Variants in PTPRG observed in about 807,000 individuals in gnomAD.
PTPRG encodes receptor-type tyrosine-protein phosphatase gamma.
PTPRG carries 102 observed loss-of-function variants against 165.3 expected under a neutral mutation model. The ratio of observed to expected loss-of-function variants is 0.62; its 90% CI spans 0.53 to 0.73. The LOEUF (loss-of-function observed/expected upper bound fraction) is 0.73. PTPRG is among the 30% of genes least tolerant of loss of function. The pLI is 0.00. For missense variants in PTPRG, 1,866 were observed against 1,861.4 expected, an observed-to-expected ratio of 1.00 and a Z score of -0.05; for synonymous variants, 675 against 669.5, an observed-to-expected ratio of 1.01 and a Z score of -0.13.
intron 1 of PTPRG, among the ~76,000 whole-genome samples, chr3:61,693,744 G>A (rs1364294093): frequency 6.6e-6 from 1 of 152,060 alleles, no homozygotes; most frequent in Non-Finnish European, 1.5e-5. Context: ...AGCGGCTCAC[G>A]CCTATAATTG....
chr3:62,124,671 T>C, intron 5 of PTPRG: 1 of 704,426 alleles, frequency 1.4e-6, no homozygotes, highest in Non-Finnish European at 2.4e-6. Flanking sequence ...AGGCCACCGC[T>C]GCCGCCTGCT....
intron 13 of PTPRG, among the ~76,000 whole-genome samples, chr3:62,226,951 G>C (rs1017544791): frequency 7.2e-5 from 11 of 152,176 alleles, no homozygotes; most frequent in African/African-American, 2.4e-4. Context: ...AGTGAGTTTT[G>C]TTGACATTGC....
At chr3:61,578,771 G>T (rs1700220056) in intron 1 of PTPRG, among the ~76,000 whole-genome samples, 1 of 152,200 alleles carries the variant, frequency 6.6e-6, no homozygotes, top group Non-Finnish European at 1.5e-5. Flanking sequence ...GTGGCTAATG[G>T]CTAGGGAGGG....
chr3:61,895,974 A>G (rs771986663), intron 2 of PTPRG, among the ~76,000 whole-genome samples: 1 of 152,228 alleles, frequency 6.6e-6, no homozygotes, highest in Non-Finnish European at 1.5e-5. Flanking sequence ...GCATTCTGGT[A>G]AAACTATGGT....
intron 2 of PTPRG, among the ~76,000 whole-genome samples, chr3:61,857,152 G>C (rs1025294740): frequency 6.6e-6 from 1 of 151,606 alleles, no homozygotes; most frequent in African/African-American, 2.4e-5. Context: ...TTGCAGTTGA[G>C]GTAACCAATG....
rs117378511 is a variant in PTPRG at position 62,099,007 on chromosome 3, A to G, written c.615+20749A>G. On this transcript the variant is annotated intron_variant, in intron 5 of 29. Transcript: ENST00000474889. ...TTGTGAGATGATGCATTTTTGTTGT[A>G]ATTTAGAATTTAGAGTTGTTTGAAA... Among the ~76,000 whole-genome samples the G allele has an allele frequency of 9.5e-4, 145 of 152,302 alleles. 1 individual carries two copies. In the East Asian group the frequency reaches 0.028, roughly 29 times the overall value.
chr3:62,157,307 C>A, intron 7 of PTPRG, 83 bp downstream of exon 7: 1 of 1,397,316 alleles, frequency 7.2e-7, no homozygotes, highest in Non-Finnish European at 9.8e-7. Flanking sequence ...GAGTATACCA[C>A]TAAGGAATTT....
intron 2 of PTPRG, among the ~76,000 whole-genome samples, chr3:61,897,453 A>C (rs549580203): frequency 1.3e-5 from 2 of 152,146 alleles, no homozygotes; most frequent in Admixed American, 1.3e-4. Context: ...TGATGTCCCT[A>C]TCTCTCCACC....
intron 5 of PTPRG, among the ~76,000 whole-genome samples, chr3:62,126,018 T>C (rs1703278851): frequency 6.6e-6 from 1 of 152,194 alleles, no homozygotes; most frequent in Admixed American, 6.5e-5. Flanking sequence ...TCTCTTCTGC[T>C]CTGGCTTTGA....
Position 62,189,806 on chromosome 3 carries a change from T to C in PTPRG, c.1034-1663T>C, listed in dbSNP as rs562767077. Among the ~76,000 whole-genome samples the C allele has an allele frequency of 4.1e-3, 626 of 152,242 alleles. 3 individuals are homozygous for C. The highest frequency in any genetic ancestry group is 0.015 in the African/African-American group (603 of 41,548). On this transcript the variant is annotated intron_variant, in intron 8 of 29. Coordinates refer to ENST00000474889, the MANE Select transcript of PTPRG (RefSeq NM_002841.4). ...TCTGGGGCTCAGTTCTTTCCAGGGG[T>C]GTCCAAGGACTCGTGGGAGAAAGGC...
intron 2 of PTPRG, among the ~76,000 whole-genome samples, chr3:61,776,363 A>T (rs2034381897): frequency 1.3e-5 from 2 of 151,938 alleles, no homozygotes; most frequent in South Asian, 4.1e-4. Context: ...TTATTGGAAT[A>T]AAAAAATTAG....
At chr3:61,774,481 A>G (rs2034308319) in intron 2 of PTPRG, among the ~76,000 whole-genome samples, 1 of 152,188 alleles carries the variant, frequency 6.6e-6, no homozygotes, top group African/African-American at 2.4e-5. Context: ...TAGTTTACAA[A>G]TGCAGTGAGA....
chr3:61,651,657 C>T (rs1036344274), intron 1 of PTPRG, among the ~76,000 whole-genome samples: 4 of 152,186 alleles, frequency 2.6e-5, no homozygotes, highest in African/African-American at 9.7e-5. Context: ...AATACTGCAC[C>T]TCTGGTGTAC....
At chr3:62,080,022 T>C (rs1266321677) in intron 5 of PTPRG, among the ~76,000 whole-genome samples, 1 of 151,984 alleles carries the variant, frequency 6.6e-6, no homozygotes, top group East Asian at 1.9e-4. Context: ...CACTGCCCTG[T>C]TGGCAGATGA....
At chr3:62,175,479 A>G (rs775735890) in intron 8 of PTPRG, among the ~76,000 whole-genome samples, 1 of 152,178 alleles carries the variant, frequency 6.6e-6, no homozygotes, top group Non-Finnish European at 1.5e-5. Context: ...AAAGTCTGGG[A>G]AGAGGTTTTT....
At chr3:61,666,112 G>A (rs1397787693) in intron 1 of PTPRG, among the ~76,000 whole-genome samples, 1 of 152,180 alleles carries the variant, frequency 6.6e-6, no homozygotes, top group Admixed American at 6.5e-5. Context: ...AGTTTGGCCA[G>A]AAAATCCTAT....
rs1702970286 is a variant in PTPRG, at chr3:62,293,463, T to C, written c.*156T>C. The C allele has an allele frequency of 3.2e-6, 2 of 617,086 alleles. No individual in the cohort carries two copies. The highest frequency in any genetic ancestry group is 5.2e-6 in the Non-Finnish European group (2 of 384,546). 38.2% of individuals were successfully genotyped at this position (617,086 alleles called of 1,614,324 possible). Reference sequence around the variant, plus strand: ...TATTTTTTGCCATTTTATGTCTTAATGGTATCCTACTGAGCATTTGCACCT... The same window carrying C: ...TATTTTTTGCCATTTTATGTCTTAACGGTATCCTACTGAGCATTTGCACCT... On this transcript the variant is annotated 3_prime_UTR_variant, in exon 30 of 30. Transcript: ENST00000474889.
intron 5 of PTPRG, among the ~76,000 whole-genome samples, chr3:62,082,924 T>C (rs1701628418): frequency 6.6e-6 from 1 of 152,198 alleles, no homozygotes; most frequent in African/African-American, 2.4e-5. Context: ...AAGGATCACC[T>C]TTTTCTAGAT....
chr3:61,742,744 C>T (rs1293639184), intron 1 of PTPRG: 7 of 1,610,910 alleles, frequency 4.3e-6, no homozygotes, highest in Middle Eastern at 1.7e-4. Flanking sequence ...GCCGAGGATT[C>T]GTGGAATCTG....
Sources: allele counts gnomAD v4.1 joint callset (sites outside exome capture counted in the v4.1 genomes callset), GRCh38; gene constraint gnomAD v4.1.1; transcripts MANE v1.5; gene names NCBI Gene and HGNC (gene_info 2026-07-23, HGNC 2026-07-21).